The following CRACR2A variants were observed in gnomAD, a reference collection of about 807,000 sequenced individuals.
CRACR2A encodes the protein calcium release activated channel regulator 2A, also known as EF-hand calcium-binding domain-containing protein 4B.
CRACR2A carries 79 observed loss-of-function variants against 90.5 expected under a neutral mutation model. The ratio of observed to expected loss-of-function variants is 0.87; its 90% CI spans 0.73 to 1.05. The LOEUF is 1.05. Among genes scored for constraint, CRACR2A ranks in the 50% least tolerant of loss-of-function variants. The pLI is 0.00. For synonymous variants in CRACR2A, 338 were observed against 356.7 expected, an observed-to-expected ratio of 0.95 and a Z score of 0.59; for missense variants, 823 against 897.2, an observed-to-expected ratio of 0.92 and a Z score of 1.06.
At chr12:3,716,204 T>C (rs779965129) in intron 2 of CRACR2A, among the ~76,000 whole-genome samples, 6 of 152,338 alleles carry the variant, frequency 3.9e-5, no homozygotes, top group Non-Finnish European at 8.8e-5. Context: ...AAAAGACCAT[T>C]GCCATGACCT....
intron 7 of CRACR2A, among the ~76,000 whole-genome samples, chr12:3,665,406 T>C (rs1945114130): frequency 6.6e-6 from 1 of 152,198 alleles, no homozygotes; most frequent in Non-Finnish European, 1.5e-5. Context: ...TTTACAAACT[T>C]TCTGGCCTTG....
At chr12:3,615,507 C>CCG in intron 19 of CRACR2A, 68 bp from the exon 20 acceptor site, 1 of 1,335,526 alleles carries the variant, frequency 7.5e-7, no homozygotes, top group East Asian at 2.5e-5. Flanking sequence ...GCAACCTGGA[C>CCG]AAGCTACCCT....
At chr12:3,673,722 A>C in intron 6 of CRACR2A, 130 bp from the exon 7 acceptor site, 1 of 1,165,436 alleles carries the variant, frequency 8.6e-7, no homozygotes, top group Non-Finnish European at 1.2e-6. Context: ...ACAGTAGCTA[A>C]CGTGGACCGA....
At chr12:3,657,200 A>C (rs1944927378) in intron 8 of CRACR2A, among the ~76,000 whole-genome samples, 2 of 152,248 alleles carry the variant, frequency 1.3e-5, no homozygotes, top group Non-Finnish European at 2.9e-5. Flanking sequence ...ATTCTTTTGG[A>C]TCACTGTTTG....
chr12:3,659,601 T>C lies in CRACR2A; in HGVS notation c.725A>G (p.Gln242Arg), dbSNP rs1944988508. Residue 242 changes from glutamine to arginine, a missense_variant, in exon 8 of 20, where the codon CAA becomes CGA. Gln to Arg is a conservative substitution (Grantham distance 43). Transcript: ENST00000440314. ...CTGCTCCTTCTCACTTTTGATTTGT[T>C]GTTCCATCTCCTCATAGAGATGCTG... is the stretch of plus-strand genomic sequence containing the variant. The part of the protein sequence containing the change: ...EIQHLYEEME[Q>R]QIKSEKEQFL... 1 of 1,614,076 alleles carries C rather than the reference T, an allele frequency of 6.2e-7. No homozygotes were observed. Among genetic ancestry groups the C allele is most frequent in the Admixed American group, 1.7e-5 (1 of 60,002 alleles).
chr12:3,727,412 C>T lies in CRACR2A; in HGVS notation c.-118+5530G>A, dbSNP rs954065172. On this transcript the variant is annotated intron_variant, in intron 2 of 19. Transcript: ENST00000440314. ...ACAGCTTTTATAAACAAGTTTGAGGCGCCTCTGCTAATTTAAACTAGTATC... is the reference window on the plus strand; with the variant it reads ...ACAGCTTTTATAAACAAGTTTGAGGTGCCTCTGCTAATTTAAACTAGTATC... The T allele has an allele frequency of 5.3e-5, 8 of 152,250 alleles. 1 individual carries two copies. Among genetic ancestry groups the T allele is most frequent in the Admixed American group, 3.3e-4 (5 of 15,300 alleles). 9.4% of individuals were successfully genotyped at this position (152,250 alleles called of 1,614,324 possible).
At chr12:3,704,953 C>T (rs1478242057) in intron 3 of CRACR2A, among the ~76,000 whole-genome samples, 1 of 152,208 alleles carries the variant, frequency 6.6e-6, no homozygotes, top group Non-Finnish European at 1.5e-5. Context: ...GAAAACAAAA[C>T]AGCAGAAGTG....
intron 1 of CRACR2A, among the ~76,000 whole-genome samples, chr12:3,748,811 C>G (rs1356913385): frequency 4.6e-5 from 7 of 152,218 alleles, no homozygotes; most frequent in Non-Finnish European, 8.8e-5. Context: ...TGTCCTCCCC[C>G]TCACCTCAGC....
At chr12:3,648,265 GT>G in intron 11 of CRACR2A, 1 of 1,336,798 alleles carries the variant, frequency 7.5e-7, no homozygotes, top group East Asian at 2.6e-5. Flanking sequence ...ATGAGATCAA[GT>G]ACCAAGCACA....
chr12:3,665,506 T>TA (rs1352368626), intron 7 of CRACR2A, among the ~76,000 whole-genome samples: 2 of 152,184 alleles, frequency 1.3e-5, no homozygotes, highest in Non-Finnish European at 2.9e-5. Flanking sequence ...TTGTGAAGAT[T>TA]AAAAAAGATA....
intron 12 of CRACR2A, among the ~76,000 whole-genome samples, 193 bp from the exon 13 acceptor site, chr12:3,642,031 T>C (rs1944581709): frequency 6.6e-6 from 1 of 151,988 alleles, no homozygotes; most frequent in South Asian, 2.1e-4. Flanking sequence ...AATCCCTCCA[T>C]CTCCTTTCCA....
At chr12:3,652,905 C>T (rs976065468) in intron 10 of CRACR2A, among the ~76,000 whole-genome samples, 1 of 152,226 alleles carries the variant, frequency 6.6e-6, no homozygotes, top group Non-Finnish European at 1.5e-5. Flanking sequence ...GTGCCTAACT[C>T]TTAGCATCTT....
chr12:3,653,276 T>C lies in CRACR2A; in HGVS notation c.1046+936A>G, dbSNP rs144746983. On this transcript the variant is annotated intron_variant, in intron 10 of 19. Coordinates refer to ENST00000440314, the MANE Select transcript of CRACR2A (RefSeq NM_001144958.2). ...GATTACAGGCGTGAGCCACCGCGCCTGGCCCAGGATGATTTAAAGATCAAA... is the reference window on the plus strand; with the variant it reads ...GATTACAGGCGTGAGCCACCGCGCCCGGCCCAGGATGATTTAAAGATCAAA... 3.3e-3 allele frequency among the ~76,000 whole-genome samples: 500 copies of C among 152,308 alleles called. 4 individuals are homozygous for C. Among genetic ancestry groups the C allele is most frequent in the African/African-American group, 0.011 (469 of 41,560 alleles).
chr12:3,639,716 TA>T (rs1555107094), intron 13 of CRACR2A, among the ~76,000 whole-genome samples: 2 of 152,196 alleles, frequency 1.3e-5, no homozygotes, highest in Non-Finnish European at 2.9e-5. Flanking sequence ...TTCTGCAAGA[TA>T]AATTACGATA....
intron 7 of CRACR2A, among the ~76,000 whole-genome samples, chr12:3,661,417 CAA>C (rs1945034250): frequency 6.6e-6 from 1 of 152,160 alleles, no homozygotes; most frequent in Non-Finnish European, 1.5e-5. Context: ...GTGGGCTCAG[CAA>C]GAGATGACAG....
intron 3 of CRACR2A, among the ~76,000 whole-genome samples, chr12:3,701,077 T>C (rs1366446242): frequency 6.6e-6 from 1 of 151,846 alleles, no homozygotes; most frequent in South Asian, 2.1e-4. Flanking sequence ...TCCAAGTATT[T>C]GGAAAGACAG....
At chr12:3,725,214 C>T (rs1040310723) in intron 2 of CRACR2A, among the ~76,000 whole-genome samples, 35 of 152,178 alleles carry the variant, frequency 2.3e-4, no homozygotes, top group Admixed American at 8.5e-4. Context: ...ATAAGGGTTG[C>T]CAATGAATTA....
chr12:3,663,326 T>C (rs926852676), intron 7 of CRACR2A, among the ~76,000 whole-genome samples: 2 of 151,930 alleles, frequency 1.3e-5, no homozygotes, highest in Non-Finnish European at 2.9e-5. Flanking sequence ...GTTTTTCCAG[T>C]GTTAAAATTC....
chr12:3,641,160 A>G (rs977162872), intron 13 of CRACR2A, among the ~76,000 whole-genome samples: 2 of 152,194 alleles, frequency 1.3e-5, no homozygotes, highest in Non-Finnish European at 2.9e-5. Context: ...CCTGGCCAAC[A>G]TGGAGAAATC....
Sources: allele counts gnomAD v4.1 joint callset (sites outside exome capture counted in the v4.1 genomes callset), GRCh38; gene constraint gnomAD v4.1.1; transcripts MANE v1.5; gene names NCBI Gene and HGNC (gene_info 2026-07-23, HGNC 2026-07-21).